PLA2R1: variants seen among roughly 807,000 people sequenced by gnomAD.
PLA2R1 encodes the protein phospholipase A2 receptor 1, also known as secretory phospholipase A2 receptor.
In PLA2R1, 158 loss-of-function variants were observed where a neutral mutation model predicts 195.9. That is an observed-to-expected ratio of 0.81 (90% CI 0.71 to 0.92). The LOEUF (loss-of-function observed/expected upper bound fraction) is 0.92. PLA2R1 is among the 40% of genes least tolerant of loss of function. The pLI is 0.00. For synonymous variants in PLA2R1, 586 were observed against 598.2 expected (o/e 0.98, Z 0.30); for missense variants, 1,626 against 1,764.6 (o/e 0.92, Z 1.41).
downstream of PLA2R1, among the ~76,000 whole-genome samples, chr2:159,928,014 T>G (rs1274969943): frequency 1.3e-5 from 2 of 152,218 alleles, no homozygotes; most frequent in Admixed American, 6.5e-5. Flanking sequence ...CTGGTAGAAG[T>G]GGCCTAGTTG....
Position 159,976,084 on chromosome 2 carries a change from TGGATGA to T in PLA2R1, c.2573_2578del (p.Phe858_His860delinsTyr). The stretch of plus-strand genomic sequence containing the variant: ...TTCAAGTACCGCTTTTATTTTGCTG[TGGATGA>T]ATTCTTGCTCATGTGCAGAATGAAT... On this transcript the variant is annotated inframe_deletion, in exon 17 of 30. Transcript: ENST00000283243. The T allele has an allele frequency of 6.2e-7, 1 of 1,612,950 alleles. No homozygotes were observed. Among genetic ancestry groups the T allele is most frequent in the Non-Finnish European group, 8.5e-7 (1 of 1,179,382 alleles).
At position 160,062,317 on chromosome 2, in the gene PLA2R1, G is replaced by C. The variant is rs555211403; in HGVS notation, c.87C>G (p.Pro29=). 21 of 1,514,382 alleles carry C rather than the reference G, an allele frequency of 1.4e-5. No individual in the cohort carries two copies. Among genetic ancestry groups the C allele is most frequent in the Admixed American group, 4.3e-5 (2 of 46,926 alleles). 93.8% of individuals were successfully genotyped at this position (1,514,382 alleles called of 1,614,324 possible). A position where few individuals can be genotyped will look rare whatever the true frequency, so the allele number is the denominator to read the frequency against. Residue 29 remains proline (P), a synonymous_variant, in exon 1 of 30, where the codon CCC becomes CCG. Coordinates refer to ENST00000283243, the MANE Select transcript of PLA2R1 (RefSeq NM_007366.5). Reference sequence around the variant, plus strand: ...CACCCTGCCACTCCAGGAGCCGCTCGGGGGTAAGCGCCGCCGCCACACCCT... The same window carrying C: ...CACCCTGCCACTCCAGGAGCCGCTCCGGGGTAAGCGCCGCCGCCACACCCT... ...CAEGVAAALT[P]ERLLEWQDKG... is the part of the protein sequence containing the mutation.
chr2:159,949,187 C>T (rs780447439), intron 25 of PLA2R1, among the ~76,000 whole-genome samples: 7 of 152,144 alleles, frequency 4.6e-5, no homozygotes, highest in East Asian at 1.9e-4. Context: ...CCCTCCCTTA[C>T]GCCTAACCTG....
At chr2:160,033,196 A>T (rs1573939329) in intron 3 of PLA2R1, 64 bp from the exon 4 acceptor site, 3 of 1,270,854 alleles carry the variant, frequency 2.4e-6, no homozygotes, top group East Asian at 4.9e-5. Context: ...CATATTTCTA[A>T]GGTAAGTCTG....
chr2:159,997,322 A>G (rs1340389596), intron 11 of PLA2R1, among the ~76,000 whole-genome samples: 1 of 151,948 alleles, frequency 6.6e-6, no homozygotes. Context: ...GGAGCGGGGT[A>G]TTTCCTTTCC....
intron 20 of PLA2R1, among the ~76,000 whole-genome samples, 199 bp downstream of exon 20, chr2:159,967,340 C>G (rs1487982372): frequency 6.6e-6 from 1 of 152,150 alleles, no homozygotes; most frequent in East Asian, 1.9e-4. Context: ...AGTGTCCAGG[C>G]TGTTTTTGAC....
chr2:159,966,564 T>A (rs1406801373), intron 20 of PLA2R1, among the ~76,000 whole-genome samples: 1 of 152,228 alleles, frequency 6.6e-6, no homozygotes, highest in African/African-American at 2.4e-5. Context: ...ATTAAAAAAA[T>A]TTAAAAGTCA....
chr2:159,949,492 G>C (rs901978956), intron 25 of PLA2R1, 116 bp downstream of exon 25: 7 of 652,114 alleles, frequency 1.1e-5, no homozygotes, highest in Non-Finnish European at 1.3e-5. Flanking sequence ...CAGACCAGAG[G>C]CTTCTTGAAG....
Position 159,976,691 on chromosome 2 carries a change from G to C in PLA2R1, c.2431C>G (p.Gln811Glu). ...CTGCCAGAGTCATTCTTACCGTACT[G>C]GTACCAGAACGGAATCTTGGGTTTC... The part of the protein sequence containing the change: ...DVKPKIPFWY[Q>E]YDVPWLFYQD... The change falls in exon 16 of 30, where the codon CAG (glutamine) becomes GAG (glutamate). Residue 811 changes from glutamine to glutamate, a missense_variant. Transcript: ENST00000283243. The C allele has an allele frequency of 6.2e-7, 1 of 1,604,738 alleles. No homozygotes were observed. Among genetic ancestry groups the C allele is most frequent in the Non-Finnish European group, 8.5e-7 (1 of 1,171,594 alleles).
chr2:159,942,048 A>G (rs1273915973), intron 29 of PLA2R1, 56 bp from the exon 30 acceptor site: 12 of 1,554,772 alleles, frequency 7.7e-6, no homozygotes, highest in Non-Finnish European at 9.8e-6. Context: ...ATGAAGTAAT[A>G]TAGATACTGT....
intron 10 of PLA2R1, among the ~76,000 whole-genome samples, chr2:160,012,180 G>T (rs1024227600): frequency 5.3e-5 from 8 of 152,170 alleles, no homozygotes; most frequent in African/African-American, 4.8e-5. Flanking sequence ...CTATTTGCTG[G>T]TATTCAGTGA....
At chr2:159,955,937 T>A in intron 21 of PLA2R1, 109 bp from the exon 22 acceptor site, 1 of 604,770 alleles carries the variant, frequency 1.7e-6, no homozygotes, top group Non-Finnish European at 2.8e-6. Flanking sequence ...AAAACATAAT[T>A]ATGAATCATT....
intron 28 of PLA2R1, among the ~76,000 whole-genome samples, chr2:159,943,063 G>A (rs554126499): frequency 4.6e-4 from 69 of 151,006 alleles, no homozygotes; most frequent in Non-Finnish European, 8.4e-4. Flanking sequence ...CCTCTGCCCT[G>A]GGTTCAAGCA....
intron 4 of PLA2R1, 32 bp from the exon 5 acceptor site, chr2:160,028,995 A>G (rs1342402465): frequency 1.7e-6 from 2 of 1,199,304 alleles, no homozygotes. Flanking sequence ...TTCAAAAAAA[A>G]AATCCAGTGT....
At chr2:159,931,376 T>C (rs1686582139), downstream of PLA2R1, among the ~76,000 whole-genome samples, 1 of 152,096 alleles carries the variant, frequency 6.6e-6, no homozygotes, top group African/African-American at 2.4e-5. Flanking sequence ...CAAAAGTTTT[T>C]TTAAATAATA....
intron 1 of PLA2R1, among the ~76,000 whole-genome samples, chr2:160,053,322 A>C (rs896637362): frequency 7.1e-6 from 1 of 140,256 alleles, no homozygotes; most frequent in African/African-American, 2.7e-5. Flanking sequence ...ATCTCCAAGT[A>C]AAGTCTCATT....
chr2:160,035,833 A>G lies in PLA2R1; in HGVS notation c.668-2701T>C, dbSNP rs533158212. 2.0e-5 allele frequency among the ~76,000 whole-genome samples: 3 copies of G among 152,326 alleles called. No individual in the cohort carries two copies. The East Asian group carries it at 5.8e-4, about 29-fold the overall frequency. ...ATCCACTGAATCTAGCCATTAATGT[A>G]TACCTTGTTTAAGGCCATCAATGAC... On this transcript the variant is annotated intron_variant, in intron 3 of 29. Transcript: ENST00000283243.
intron 19 of PLA2R1, among the ~76,000 whole-genome samples, chr2:159,968,699 A>C (rs889958951): frequency 2.0e-5 from 3 of 152,214 alleles, no homozygotes. Flanking sequence ...ACCTAACTAC[A>C]CTGCACTGAT....
intron 8 of PLA2R1, among the ~76,000 whole-genome samples, chr2:160,017,672 T>C (rs950307016): frequency 2.0e-5 from 3 of 152,230 alleles, no homozygotes; most frequent in African/African-American, 7.2e-5. Context: ...TCATTAATAA[T>C]GATATAATAA....
Sources: gnomAD v4.1 joint callset for allele counts (sites outside exome capture counted in the v4.1 genomes callset) on GRCh38, gnomAD v4.1.1 for gene constraint, MANE v1.5 for transcripts, NCBI Gene and HGNC (gene_info 2026-07-23, HGNC 2026-07-21) for gene names.